INTS1: variants seen among roughly 807,000 people sequenced by gnomAD.
INTS1 encodes integrator complex subunit 1.
In INTS1, 137 loss-of-function variants were observed where a neutral mutation model predicts 241.6. That is an observed-to-expected ratio of 0.57 (90% CI 0.49 to 0.65). The LOEUF (loss-of-function observed/expected upper bound fraction) is 0.65, where lower values mean the gene tolerates loss of function less well. Ranked by LOEUF, INTS1 falls within the 30% of genes least tolerant of loss-of-function variation. INTS1 has a pLI of 0.00. For missense variants in INTS1, 3,073 were observed against 3,032.2 expected (o/e 1.01, Z -0.32); for synonymous variants, 1,692 against 1,337.8 (o/e 1.26, Z -5.78).
In INTS1 at chr7:1,481,594, G is replaced by A; in HGVS notation, c.3704-106C>T. 2.5e-6 allele frequency: 3 copies of A among 1,200,994 alleles called. No individual in the cohort carries two copies. 74.4% of individuals were successfully genotyped at this position (1,200,994 alleles called of 1,614,324 possible). On this transcript the variant is annotated intron_variant, in intron 27 of 47. Transcript: ENST00000404767. This position sits in a 1 kb window ranked among gnomAD's most constrained non-coding sequence, Gnocchi z 6.8. ...CTGTGTGCAGTGACCCCACCCACCT[G>A]AGACCCTGGGCCACGTGGGCTCGGT...
Position 1,477,950 on chromosome 7 carries a change from A to C in INTS1, c.4631-14T>G, listed in dbSNP as rs772550520. The C allele has an allele frequency of 6.2e-7, 1 of 1,611,168 alleles. No individual in the cohort carries two copies. Among genetic ancestry groups the C allele is most frequent in the Non-Finnish European group, 8.5e-7 (1 of 1,178,874 alleles). The stretch of plus-strand genomic sequence containing the variant: ...GCCCCTGGAGGACTGCGCAAGGGAC[A>C]AAGAGACATGTGGGTCACTCCCAGG... On this transcript the variant is annotated splice_polypyrimidine_tract_variant and intron_variant, in intron 33 of 47. Coordinates refer to ENST00000404767, the MANE Select transcript of INTS1 (RefSeq NM_001080453.3).
chr7:1,474,033 T>TC, intron 41 of INTS1, 135 bp downstream of exon 41: 2 of 1,037,852 alleles, frequency 1.9e-6, no homozygotes, highest in Middle Eastern at 6.4e-4. Flanking sequence ...TGGGAGCTGG[T>TC]CCCCAGGGCA....
intron 35 of INTS1, 131 bp downstream of exon 35, chr7:1,477,415 GGGAC>G (rs1220786470): frequency 4.4e-5 from 46 of 1,037,242 alleles, no homozygotes; most frequent in Non-Finnish European, 5.1e-5. Flanking sequence ...GGTTGCTACA[GGGAC>G]ACATGGCCTG....
rs917852093 is a variant in INTS1, at chr7:1,473,083, T to C, written c.6059A>G (p.Glu2020Gly). ...GCAGCCCCACTCACCCTCGCCCTCTTCGTCCAGGCCTCGGTCGGTCCTGTC... is the reference window on the plus strand; with the variant it reads ...GCAGCCCCACTCACCCTCGCCCTCTCCGTCCAGGCCTCGGTCGGTCCTGTC... ...RDDRTDRGLD[E>G]EGEEESSAGS... The change falls in exon 43 of 48, where the codon GAA becomes GGA. Residue 2020 changes from glutamate (E) to glycine (G), a missense_variant. Transcript: ENST00000404767. 6.2e-7 allele frequency: 1 copy of C among 1,604,918 alleles called. No homozygotes were observed. The highest frequency in any genetic ancestry group is 1.3e-5 in the African/African-American group (1 of 74,876).
intron 11 of INTS1, among the ~76,000 whole-genome samples, chr7:1,496,474 C>A (rs1317725436): frequency 1.3e-5 from 2 of 151,542 alleles, no homozygotes; most frequent in Non-Finnish European, 2.9e-5. Flanking sequence ...GGGTCTGTAT[C>A]CAGAAGGGAC....
At chr7:1,496,957 C>G (rs974621946) in intron 11 of INTS1, among the ~76,000 whole-genome samples, 181 bp downstream of exon 11, 1 of 152,318 alleles carries the variant, frequency 6.6e-6, no homozygotes, top group African/African-American at 2.4e-5. Flanking sequence ...GGTCCTCACA[C>G]AGGACAGAGC....
chr7:1,490,706 G>A (rs1267504132), intron 16 of INTS1, among the ~76,000 whole-genome samples: 1 of 152,212 alleles, frequency 6.6e-6, no homozygotes, highest in Non-Finnish European at 1.5e-5. Flanking sequence ...CATCTGTTTT[G>A]CAGAAACTGA....
chr7:1,479,234 GC>G (rs1342926016), intron 31 of INTS1, among the ~76,000 whole-genome samples, 195 bp downstream of exon 31: 2 of 152,334 alleles, frequency 1.3e-5, no homozygotes, highest in Admixed American at 6.5e-5. Flanking sequence ...ACGCCGCACT[GC>G]CCCCACCTCC....
chr7:1,494,630 C>A, intron 14 of INTS1, 186 bp downstream of exon 14: 1 of 653,274 alleles, frequency 1.5e-6, no homozygotes, highest in Non-Finnish European at 2.7e-6. Context: ...CCTACAGTGG[C>A]GCTGGGACGC....
chr7:1,482,745 A>C (rs756762799), intron 26 of INTS1, 38 bp from the exon 27 acceptor site: 2 of 1,601,742 alleles, frequency 1.2e-6, no homozygotes, highest in African/African-American at 2.7e-5. Context: ...CTTCAGACCC[A>C]CCGGGGCCCA....
rs760451278 is a variant in INTS1 at position 1,473,170 on chromosome 7, T to C, written c.5972A>G (p.Asp1991Gly). ...TTTCAGCATCACCAGGTCACTGTTG[T>C]CGAAGGACAGGTCGCTGGGGAGAGA... Reference protein sequence around the residue: ...HADPLHDLSFDNSDLVMLKSL... With the variant: ...HADPLHDLSFGNSDLVMLKSL... The change falls in exon 43 of 48, where the codon GAC becomes GGC. Residue 1991 changes from aspartate (D) to glycine (G), a missense_variant. By Grantham distance (94) the Asp-to-Gly change is moderately conservative. Coordinates refer to ENST00000404767, the MANE Select transcript of INTS1 (RefSeq NM_001080453.3). The C allele has an allele frequency of 6.2e-7, 1 of 1,611,200 alleles. No homozygotes were observed. The highest frequency in any genetic ancestry group is 1.1e-5 in the South Asian group (1 of 91,006).
rs1357406658 is a variant in INTS1 at position 1,503,977 on chromosome 7, C to A, written c.-17G>T. 6.5e-7 allele frequency: 1 copy of A among 1,538,568 alleles called. No individual in the cohort carries two copies. Among genetic ancestry groups the A allele is most frequent in the South Asian group, 1.2e-5 (1 of 83,282 alleles). On this transcript the variant is annotated 5_prime_UTR_variant, in exon 2 of 48. Coordinates refer to ENST00000404767, the MANE Select transcript of INTS1 (RefSeq NM_001080453.3). ...CCGGTTCATCCTGCCCCGTCCCTCG[C>A]GGCTCCCGGCGGCTGCGGCGTCACC...
At chr7:1,471,057 C>A (rs1781442299) in intron 46 of INTS1, 76 bp downstream of exon 46, 4 of 1,521,110 alleles carry the variant, frequency 2.6e-6, no homozygotes, top group East Asian at 4.9e-5. Flanking sequence ...GGTCTGGCCA[C>A]CAGGCGGGTC....
intron 33 of INTS1, among the ~76,000 whole-genome samples, 196 bp from the exon 34 acceptor site, chr7:1,478,132 G>A (rs928273421): frequency 6.6e-6 from 1 of 152,160 alleles, no homozygotes; most frequent in African/African-American, 2.4e-5. Flanking sequence ...TGCGGCCGGG[G>A]CCGGGGCTCA....
At chr7:1,482,798 C>A in intron 26 of INTS1, 91 bp from the exon 27 acceptor site, 1 of 1,470,612 alleles carries the variant, frequency 6.8e-7, no homozygotes. Context: ...CACCTCCTCT[C>A]CCGAGAAGGA....
chr7:1,486,095 C>T lies in INTS1; in HGVS notation c.2976+530G>A, dbSNP rs562089113. 6.8e-4 allele frequency among the ~76,000 whole-genome samples: 103 copies of T among 152,006 alleles called. 1 individual carries two copies. Among genetic ancestry groups the T allele is most frequent in the African/African-American group, 2.4e-3 (101 of 41,440 alleles). Reference sequence around the variant, plus strand: ...GGAACACAGGCACACACTACCACACCTGGCTAATTTTTTCAGTTTTTGTAG... The same window carrying T: ...GGAACACAGGCACACACTACCACACTTGGCTAATTTTTTCAGTTTTTGTAG... On this transcript the variant is annotated intron_variant, in intron 22 of 47. Transcript: ENST00000404767.
Position 1,493,499 on chromosome 7 carries a change from C to T in INTS1, c.2068+255G>A, listed in dbSNP as rs1562512227. ...AAATCTGGCCGTGGCCAAATCACACCGAGAATGCCAATTCCAAAAAATGTG... is the reference window on the plus strand; with the variant it reads ...AAATCTGGCCGTGGCCAAATCACACTGAGAATGCCAATTCCAAAAAATGTG... On this transcript the variant is annotated intron_variant, in intron 15 of 47. Transcript: ENST00000404767. The surrounding 1 kb of genome is among the most constrained non-coding windows in gnomAD (Gnocchi z 5.3). 6.6e-6 allele frequency among the ~76,000 whole-genome samples: 1 copy of T among 152,164 alleles called. No homozygotes were observed. The highest frequency in any genetic ancestry group is 2.4e-5 in the African/African-American group (1 of 41,424).
intron 1 of INTS1, 139 bp from the exon 2 acceptor site, chr7:1,504,140 G>A (rs1783347764): frequency 1.8e-6 from 1 of 564,086 alleles, no homozygotes; most frequent in Non-Finnish European, 3.1e-6. Context: ...GATGCTGCAG[G>A]AGCTGCAGGG....
chr7:1,495,775 G>C (rs1012193698), intron 12 of INTS1, among the ~76,000 whole-genome samples: 1 of 152,112 alleles, frequency 6.6e-6, no homozygotes, highest in African/African-American at 2.4e-5. Context: ...GACTCGCTCC[G>C]GTCAATGGCT....
Sources: gnomAD v4.1 joint callset for allele counts (sites outside exome capture counted in the v4.1 genomes callset) on GRCh38, gnomAD v4.1.1 for gene constraint, Gnocchi (gnomAD v3.1) non-coding constraint, MANE v1.5 for transcripts, NCBI Gene and HGNC (gene_info 2026-07-23, HGNC 2026-07-21) for gene names.